The following PRIM2 variants were observed in gnomAD, a reference collection of about 807,000 sequenced individuals.
The protein encoded by PRIM2 is DNA primase large subunit.
PRIM2 carries 39 observed loss-of-function variants against 67.3 expected under a neutral mutation model. The ratio of observed to expected loss-of-function variants is 0.58; its 90% CI spans 0.45 to 0.76. PRIM2 has a LOEUF of 0.76. Ranked by LOEUF, PRIM2 falls within the 30% of genes least tolerant of loss-of-function variation. The probability of loss-of-function intolerance (pLI) is 0.00; values close to 1 mark genes in which losing one functional copy is unlikely to be tolerated. For synonymous variants in PRIM2, 143 were observed against 198.7 expected, an observed-to-expected ratio of 0.72 and a Z score of 2.36; for missense variants, 398 against 598.7, an observed-to-expected ratio of 0.66 and a Z score of 3.50.
At position 57,373,819 on chromosome 6, in the gene PRIM2, A is replaced by G. The variant is rs1769651737; in HGVS notation, c.460-6082A>G. The stretch of plus-strand genomic sequence containing the variant: ...CATTGGTCTATGTGCCTGTTTTTAT[A>G]CCAGTGCCATGCTCTTTTGGTTACT... On this transcript the variant is annotated intron_variant, in intron 5 of 13. Transcript: ENST00000615550. Among the ~76,000 whole-genome samples, 11 of 152,222 alleles carry G rather than the reference A, an allele frequency of 7.2e-5. No homozygotes were observed. The South Asian group carries it at 2.3e-3, about 32-fold the overall frequency.
rs1772348158 is a variant in PRIM2 at position 57,445,883 on chromosome 6, A to G, written c.694-61504A>G. 2.0e-5 allele frequency among the ~76,000 whole-genome samples: 3 copies of G among 152,308 alleles called. No homozygotes were observed. In the South Asian group the frequency reaches 6.2e-4, roughly 32 times the overall value. ...AAAGGGGTTGTGCTTCCTGCAGTTC[A>G]GTGTAGTCTTTGTCCACTAGAAGGA... On this transcript the variant is annotated intron_variant, in intron 7 of 13. Transcript: ENST00000615550.
intron 7 of PRIM2, among the ~76,000 whole-genome samples, chr6:57,479,441 C>T (rs1773560537): frequency 6.6e-6 from 1 of 152,042 alleles, no homozygotes; most frequent in Non-Finnish European, 1.5e-5. Flanking sequence ...TATTCATAGC[C>T]CTTTTATGAT....
At chr6:57,294,966 G>T in the PRIM2 span, among the ~76,000 whole-genome samples, 36 of 152,072 alleles carry the variant, frequency 2.4e-4, no homozygotes, top group Admixed American at 5.2e-4. Flanking sequence ...GTGCTGCCAT[G>T]CCTAACTAAT....
At chr6:57,361,819 A>G (rs1253831713) in intron 5 of PRIM2, among the ~76,000 whole-genome samples, 1 of 152,204 alleles carries the variant, frequency 6.6e-6, no homozygotes, top group African/African-American at 2.4e-5. Flanking sequence ...AGAGAGCAGG[A>G]AAAGACTGAT....
chr6:57,370,402 A>G (rs1769504849), intron 5 of PRIM2, among the ~76,000 whole-genome samples: 2 of 152,218 alleles, frequency 1.3e-5, no homozygotes, highest in African/African-American at 2.4e-5. Context: ...GTTTATACTA[A>G]TTATTTAATA....
the PRIM2 span, among the ~76,000 whole-genome samples, chr6:57,267,592 C>T: frequency 2.6e-5 from 4 of 151,636 alleles, no homozygotes; most frequent in African/African-American, 9.7e-5. Context: ...TGAAGAGAAG[C>T]CAGGAAAATA....
upstream of PRIM2, among the ~76,000 whole-genome samples, chr6:57,311,397 C>G (rs909567247): frequency 1.1e-4 from 16 of 144,884 alleles, no homozygotes; most frequent in Non-Finnish European, 2.2e-4. Context: ...CCAGAGGGGG[C>G]GGCCAGGCAG....
chr6:57,288,404 C>T, the PRIM2 span, among the ~76,000 whole-genome samples: 1 of 152,202 alleles, frequency 6.6e-6, no homozygotes, highest in South Asian at 2.1e-4. Flanking sequence ...CTTCCGAAGA[C>T]CTAAACATTC....
At chr6:57,429,747 G>C (rs1292352025) in intron 7 of PRIM2, among the ~76,000 whole-genome samples, 2 of 152,162 alleles carry the variant, frequency 1.3e-5, no homozygotes, top group Non-Finnish European at 2.9e-5. Flanking sequence ...AGGGCTGTGA[G>C]AACAGAGGAA....
intron 5 of PRIM2, among the ~76,000 whole-genome samples, chr6:57,351,704 G>A (rs1273903001): frequency 1.3e-5 from 2 of 152,100 alleles, no homozygotes; most frequent in Non-Finnish European, 2.9e-5. Context: ...GATATTGCTT[G>A]TGAGTGCTAT....
intron 10 of PRIM2, among the ~76,000 whole-genome samples, chr6:57,551,943 A>G (rs1775412662): frequency 6.6e-6 from 1 of 152,236 alleles, no homozygotes; most frequent in African/African-American, 2.4e-5. Context: ...TGGGATATGA[A>G]TAGCAGGTCT....
At chr6:57,617,269 G>T (rs1459840486) in intron 12 of PRIM2, among the ~76,000 whole-genome samples, 10 of 152,050 alleles carry the variant, frequency 6.6e-5, no homozygotes, top group African/African-American at 2.4e-4. Flanking sequence ...TGCATTCTTT[G>T]TCTAGTTTCC....
intron 11 of PRIM2, 22 bp downstream of exon 11, chr6:57,601,241 G>T: frequency 3.2e-6 from 5 of 1,571,108 alleles, no homozygotes; most frequent in Non-Finnish European, 4.3e-6. Flanking sequence ...CACTGGATAT[G>T]TTGGCCAAGT....
chr6:57,443,066 A>G (rs1485009783), intron 7 of PRIM2, among the ~76,000 whole-genome samples: 4 of 152,162 alleles, frequency 2.6e-5, no homozygotes, highest in African/African-American at 9.7e-5. Context: ...ATATTGTTGC[A>G]GACAACAGAA....
Position 57,644,856 on chromosome 6 carries a change from A to G in PRIM2, c.1300-1072A>G, listed in dbSNP as rs1350818381. On this transcript the variant is annotated intron_variant, in intron 13 of 13. Transcript: ENST00000615550. ...AACTGCAGAAGGCGAGAAGGCAGGG[A>G]TTTGAGACTGTGGAAAGTGAAACTG... Among the ~76,000 whole-genome samples, 1,355 of 152,302 alleles carry G rather than the reference A, an allele frequency of 8.9e-3. 19 individuals are homozygous for G. Among genetic ancestry groups the G allele is most frequent in the African/African-American group, 0.031 (1,277 of 41,540 alleles).
At chr6:57,519,624 C>G (rs1774570085) in intron 8 of PRIM2, among the ~76,000 whole-genome samples, 1 of 152,176 alleles carries the variant, frequency 6.6e-6, no homozygotes, top group Non-Finnish European at 1.5e-5. Flanking sequence ...GCCCAGATTT[C>G]ATATTGCTCA....
intron 5 of PRIM2, among the ~76,000 whole-genome samples, chr6:57,340,510 G>T (rs941748769): frequency 2.0e-5 from 3 of 152,146 alleles, no homozygotes; most frequent in African/African-American, 7.2e-5. Context: ...TATACACCAT[G>T]GAATACTATG....
At chr6:57,254,720 T>TGG in the PRIM2 span, among the ~76,000 whole-genome samples, 1 of 151,876 alleles carries the variant, frequency 6.6e-6, no homozygotes, top group Non-Finnish European at 1.5e-5. Context: ...ACAAGTTTAT[T>TGG]GGGGGTCTGA....
the PRIM2 span, among the ~76,000 whole-genome samples, chr6:57,254,576 C>A: frequency 6.6e-6 from 1 of 152,288 alleles, no homozygotes; most frequent in African/African-American, 2.4e-5. Flanking sequence ...TAACAAAAGC[C>A]CACCAGGAGT....
Sources: gnomAD v4.1 joint callset for allele counts (sites outside exome capture counted in the v4.1 genomes callset) on GRCh38, gnomAD v4.1.1 for gene constraint, MANE v1.5 for transcripts, NCBI Gene and HGNC (gene_info 2026-07-23, HGNC 2026-07-21) for gene names.